The following PPP2R2C variants were observed in gnomAD, a reference collection of about 807,000 sequenced individuals.
The protein encoded by PPP2R2C is protein phosphatase 2 regulatory subunit Bgamma.
Under a neutral mutation model 45.3 loss-of-function variants are expected in PPP2R2C, and 10 were observed. The ratio of observed to expected loss-of-function variants is 0.22; its 90% CI spans 0.14 to 0.37. The LOEUF (loss-of-function observed/expected upper bound fraction) is 0.37, where lower values mean the gene tolerates loss of function less well. PPP2R2C is among the 10% of genes least tolerant of loss of function. The pLI, the probability that PPP2R2C is intolerant of heterozygous loss-of-function variation, is 1.00. For missense variants in PPP2R2C, 308 were observed against 619.7 expected (o/e 0.50, Z 5.34); for synonymous variants, 257 against 245.4 (o/e 1.05, Z -0.44).
At chr4:6,407,696 G>A (rs757668672) in intron 1 of PPP2R2C, among the ~76,000 whole-genome samples, 1 of 152,074 alleles carries the variant, frequency 6.6e-6, no homozygotes, top group Non-Finnish European at 1.5e-5. Flanking sequence ...CACTGAGCCC[G>A]GCCAAGAAAC....
intron 1 of PPP2R2C, among the ~76,000 whole-genome samples, chr4:6,391,806 C>A (rs926212010): frequency 6.6e-6 from 1 of 152,202 alleles, no homozygotes; most frequent in Non-Finnish European, 1.5e-5. Context: ...CCTTTGCATG[C>A]AGTGATCCCC....
At chr4:6,373,122 T>C (rs867128768) in intron 4 of PPP2R2C, among the ~76,000 whole-genome samples, 22 of 152,324 alleles carry the variant, frequency 1.4e-4, no homozygotes, top group Middle Eastern at 3.4e-3. Flanking sequence ...TGACTAGTTC[T>C]GACCAATGGG....
At position 6,345,115 on chromosome 4, in the gene PPP2R2C, C is replaced by T. The variant is rs1711715733; in HGVS notation, c.790+2731G>A. Among the ~76,000 whole-genome samples the T allele has an allele frequency of 6.6e-6, 1 of 152,204 alleles. No homozygotes were observed. Among genetic ancestry groups the T allele is most frequent in the Non-Finnish European group, 1.5e-5 (1 of 68,024 alleles). On this transcript the variant is annotated intron_variant, in intron 6 of 8. Coordinates refer to ENST00000382599, the MANE Select transcript of PPP2R2C (RefSeq NM_020416.4). The surrounding 1 kb of genome is among the most constrained non-coding windows in gnomAD (Gnocchi z 5.3). Reference sequence around the variant, plus strand: ...TATTGAGGATGTTTCTGGATTTCCACCCCTATAAACAACAGGGTGCCAATG... The same window carrying T: ...TATTGAGGATGTTTCTGGATTTCCATCCCTATAAACAACAGGGTGCCAATG...
intron 1 of PPP2R2C, among the ~76,000 whole-genome samples, chr4:6,542,169 G>A (rs906657808): frequency 3.3e-5 from 5 of 152,184 alleles, no homozygotes; most frequent in African/African-American, 1.2e-4. Flanking sequence ...CCAGAGAGGT[G>A]CTGTGACTGT....
Position 6,389,658 on chromosome 4 carries a change from G to A in PPP2R2C, c.71-8564C>T, listed in dbSNP as rs868427061. The stretch of plus-strand genomic sequence containing the variant: ...TCCAGGTCCAGCGGGGTGACGTGGC[G>A]TCTGTGGTTATCACAGTACACCTTC... On this transcript the variant is annotated intron_variant, in intron 1 of 8. Coordinates refer to ENST00000382599, the MANE Select transcript of PPP2R2C (RefSeq NM_020416.4). Among the ~76,000 whole-genome samples the A allele has an allele frequency of 3.5e-4, 53 of 152,280 alleles. 1 individual carries two copies. The highest frequency in any genetic ancestry group is 2.3e-3 in the Admixed American group (35 of 15,302).
intron 1 of PPP2R2C, among the ~76,000 whole-genome samples, chr4:6,453,124 G>A (rs376156918): frequency 7.9e-5 from 12 of 152,190 alleles, no homozygotes; most frequent in East Asian, 1.9e-4. Flanking sequence ...CCTGAGCATC[G>A]GATACACCTA....
intron 1 of PPP2R2C, among the ~76,000 whole-genome samples, chr4:6,395,001 A>C (rs1716924864): frequency 3.3e-5 from 5 of 151,244 alleles, no homozygotes; most frequent in Admixed American, 3.3e-4. Context: ...CCCTCCGCCC[A>C]CCTCCCTGCC....
chr4:6,366,294 G>A (rs535183811), intron 5 of PPP2R2C, among the ~76,000 whole-genome samples: 98 of 152,322 alleles, frequency 6.4e-4, no homozygotes, highest in African/African-American at 2.2e-3. Flanking sequence ...GCCCGCCAGG[G>A]CCCAAAGCCC....
chr4:6,425,790 C>T (rs1244419714), intron 1 of PPP2R2C, among the ~76,000 whole-genome samples: 1 of 151,686 alleles, frequency 6.6e-6, no homozygotes, highest in Non-Finnish European at 1.5e-5. Context: ...GCATACAGAA[C>T]AGGGCCCAGA....
At chr4:6,481,978 C>CAAAAAAAAAAAAAAAAAAAA (rs59905632) in intron 2 of PPP2R2C, among the ~76,000 whole-genome samples, 1 of 81,152 alleles carries the variant, frequency 1.2e-5, no homozygotes, top group Non-Finnish European at 2.2e-5. Context: ...GACTCCGTCT[C>CAAAAAAAAAAAAAAAAAAAA]AAAAAAAAAA....
At chr4:6,461,947 C>A (rs1045678305) in intron 1 of PPP2R2C, among the ~76,000 whole-genome samples, 1 of 152,246 alleles carries the variant, frequency 6.6e-6, no homozygotes, top group African/African-American at 2.4e-5. Flanking sequence ...GTGGCATGCA[C>A]CATCTCATTC....
intron 2 of PPP2R2C, among the ~76,000 whole-genome samples, chr4:6,483,147 ATT>A (rs5855920): frequency 0.051 from 6,002 of 118,560 alleles, 176 homozygotes; most frequent in African/African-American, 0.1. Flanking sequence ...AGATAGATTG[ATT>A]GATTGATAGA....
At chr4:6,561,670 C>G (rs1056158766) in intron 1 of PPP2R2C, among the ~76,000 whole-genome samples, 1 of 146,650 alleles carries the variant, frequency 6.8e-6, no homozygotes, top group Middle Eastern at 3.2e-3. Flanking sequence ...TACACAGACA[C>G]ACTTGGATAC....
chr4:6,539,593 A>T (rs1326349672), intron 1 of PPP2R2C, among the ~76,000 whole-genome samples: 2 of 144,512 alleles, frequency 1.4e-5, no homozygotes, highest in East Asian at 3.9e-4. Context: ...CCTTCAAAAA[A>T]TAAAGGATAA....
intron 1 of PPP2R2C, among the ~76,000 whole-genome samples, chr4:6,456,317 C>T (rs6821739): frequency 6.9e-6 from 1 of 144,556 alleles, no homozygotes; most frequent in South Asian, 2.4e-4. Context: ...TCCCCCCCCC[C>T]CCTTTATTCT....
At chr4:6,446,851 T>C (rs1308578332) in intron 1 of PPP2R2C, among the ~76,000 whole-genome samples, 1 of 151,222 alleles carries the variant, frequency 6.6e-6, no homozygotes, top group Non-Finnish European at 1.5e-5. Flanking sequence ...CACAGCAGAA[T>C]TCTTTTATAA....
chr4:6,449,757 G>A (rs1171775840), intron 1 of PPP2R2C, among the ~76,000 whole-genome samples: 1 of 152,190 alleles, frequency 6.6e-6, no homozygotes, highest in African/African-American at 2.4e-5. Context: ...CCGCACAAGG[G>A]CCTGCTCTGA....
chr4:6,508,996 T>C (rs909966697), intron 2 of PPP2R2C, among the ~76,000 whole-genome samples: 2 of 152,188 alleles, frequency 1.3e-5, no homozygotes, highest in African/African-American at 4.8e-5. Context: ...GCTCTAAAAC[T>C]TGCCTCAGTC....
intron 1 of PPP2R2C, chr4:6,383,195 C>G: frequency 1.7e-6 from 2 of 1,188,288 alleles, no homozygotes; most frequent in Non-Finnish European, 2.1e-6. Flanking sequence ...GGCTGGCCCA[C>G]TGGCCCCTGA....
Sources: gnomAD v4.1 joint callset for allele counts (sites outside exome capture counted in the v4.1 genomes callset) on GRCh38, gnomAD v4.1.1 for gene constraint, Gnocchi (gnomAD v3.1) non-coding constraint, MANE v1.5 for transcripts, NCBI Gene and HGNC (gene_info 2026-07-23, HGNC 2026-07-21) for gene names.